The following ELAVL2 variants were observed in gnomAD, a reference collection of about 807,000 sequenced individuals.
ELAVL2 encodes ELAV-like protein 2.
ELAVL2 carries 4 observed loss-of-function variants against 34.6 expected under a neutral mutation model. The ratio of observed to expected loss-of-function variants is 0.12; its 90% CI spans 0.06 to 0.26. The LOEUF (loss-of-function observed/expected upper bound fraction) is 0.26. Among genes scored for constraint, ELAVL2 ranks in the 10% least tolerant of loss-of-function variants. ELAVL2 has a pLI of 1.00. For synonymous variants in ELAVL2, 193 were observed against 154.8 expected (o/e 1.25, Z -1.83); for missense variants, 432 against 442.8 (o/e 0.98, Z 0.22).
chr9:23,811,875 A>G (rs536125052), intron 1 of ELAVL2, among the ~76,000 whole-genome samples: 95 of 152,276 alleles, frequency 6.2e-4, no homozygotes, highest in African/African-American at 2.3e-3. Flanking sequence ...ACTAGGAAAT[A>G]GTTACTCATA....
At chr9:23,809,043 G>T (rs1275076401) in intron 1 of ELAVL2, among the ~76,000 whole-genome samples, 1 of 152,146 alleles carries the variant, frequency 6.6e-6, no homozygotes, top group East Asian at 1.9e-4. Flanking sequence ...AAAATGTGAT[G>T]ATGAGTAAAA....
intron 1 of ELAVL2, among the ~76,000 whole-genome samples, chr9:23,764,038 T>C (rs945848529): frequency 3.9e-5 from 6 of 152,208 alleles, no homozygotes; most frequent in Non-Finnish European, 8.8e-5. Flanking sequence ...AAGGGAAGTT[T>C]CAGATTTCCT....
chr9:23,696,788 T>C (rs1042342389), intron 5 of ELAVL2, among the ~76,000 whole-genome samples: 1 of 152,150 alleles, frequency 6.6e-6, no homozygotes, highest in African/African-American at 2.4e-5. Context: ...TTTATGGTCA[T>C]TTATAAATGG....
At chr9:23,778,046 C>T (rs1209111523) in intron 1 of ELAVL2, among the ~76,000 whole-genome samples, 1 of 152,078 alleles carries the variant, frequency 6.6e-6, no homozygotes, top group Admixed American at 6.6e-5. Flanking sequence ...AACAAAACCC[C>T]CCAGAGTGGC....
At chr9:23,814,633 A>C (rs891628665) in intron 1 of ELAVL2, among the ~76,000 whole-genome samples, 7 of 152,160 alleles carry the variant, frequency 4.6e-5, no homozygotes, top group Non-Finnish European at 7.4e-5. Flanking sequence ...GGAGATCAAA[A>C]GTGGTGTTGA....
intron 2 of ELAVL2, among the ~76,000 whole-genome samples, chr9:23,733,698 C>T (rs1343610998): frequency 6.6e-6 from 1 of 152,208 alleles, no homozygotes; most frequent in Non-Finnish European, 1.5e-5. Context: ...GTCTTGCTTA[C>T]TTCCTACTTA....
chr9:23,793,509 A>G (rs2137310671), intron 1 of ELAVL2, among the ~76,000 whole-genome samples: 1 of 152,270 alleles, frequency 6.6e-6, no homozygotes, highest in Non-Finnish European at 1.5e-5. Flanking sequence ...TTCTAAAGCT[A>G]TCACCTAAAT....
At chr9:23,824,400 C>T (rs1469825425) in intron 1 of ELAVL2, among the ~76,000 whole-genome samples, 1 of 152,212 alleles carries the variant, frequency 6.6e-6, no homozygotes, top group African/African-American at 2.4e-5. Flanking sequence ...CTAGCCCCCA[C>T]CGCCCTTCGC....
At chr9:23,788,818 A>T (rs1364071650) in intron 1 of ELAVL2, among the ~76,000 whole-genome samples, 1 of 152,190 alleles carries the variant, frequency 6.6e-6, no homozygotes, top group African/African-American at 2.4e-5. Flanking sequence ...GCATGGATAC[A>T]CTAGACAAAG....
intron 1 of ELAVL2, among the ~76,000 whole-genome samples, chr9:23,822,412 A>G (rs972591844): frequency 4.6e-5 from 7 of 151,894 alleles, no homozygotes; most frequent in African/African-American, 1.7e-4. Context: ...GAAATCCTGC[A>G]CTCGACTATG....
the ELAVL2 span, chr9:23,831,708 T>C: frequency 6.6e-6 from 1 of 151,968 alleles, no homozygotes; most frequent in African/African-American, 2.4e-5. Flanking sequence ...GAAATTCAGG[T>C]GGCAGAGGCA....
At chr9:23,753,445 G>A (rs907250121) in intron 2 of ELAVL2, among the ~76,000 whole-genome samples, 4 of 152,044 alleles carry the variant, frequency 2.6e-5, no homozygotes, top group Non-Finnish European at 2.9e-5. Context: ...ATAAAAGGCT[G>A]GTGGCCAAAG....
intron 1 of ELAVL2, among the ~76,000 whole-genome samples, chr9:23,773,444 TAGTATCATTCA>T (rs2057662234): frequency 6.6e-6 from 1 of 152,150 alleles, no homozygotes; most frequent in Non-Finnish European, 1.5e-5. Context: ...CAAGTTGTCT[TAGTATCATTCA>T]AGTAAAGCAC....
intron 1 of ELAVL2, among the ~76,000 whole-genome samples, chr9:23,775,551 A>G (rs1016191707): frequency 3.9e-5 from 6 of 152,038 alleles, no homozygotes; most frequent in African/African-American, 1.4e-4. Context: ...CCTTTCTCCA[A>G]TCCTTCCTCC....
chr9:23,702,511 A>G (rs2037616536), intron 4 of ELAVL2, among the ~76,000 whole-genome samples: 1 of 152,056 alleles, frequency 6.6e-6, no homozygotes. Flanking sequence ...GCTGGTCATC[A>G]TGAGATAAGC....
chr9:23,836,930 T>C, the ELAVL2 span, among the ~76,000 whole-genome samples: 1 of 152,144 alleles, frequency 6.6e-6, no homozygotes, highest in Non-Finnish European at 1.5e-5. Context: ...GACAGAAAGA[T>C]ACCCAAAGGT....
chr9:23,827,552 ACACATTACATTACACATGTAATGTG>A (rs1252918825), upstream of ELAVL2, among the ~76,000 whole-genome samples: 2 of 152,178 alleles, frequency 1.3e-5, no homozygotes, highest in Non-Finnish European at 2.9e-5. Context: ...AATGTAATGT[ACACATTACATTACACATGTAATGTG>A]TCTTAACCAG....
At chr9:23,815,211 A>G (rs2063541218) in intron 1 of ELAVL2, among the ~76,000 whole-genome samples, 1 of 152,218 alleles carries the variant, frequency 6.6e-6, no homozygotes, top group Admixed American at 6.5e-5. Context: ...ACTGAAAAAA[A>G]TATGAGAAAT....
At chr9:23,779,953 T>G in intron 1 of ELAVL2, among the ~76,000 whole-genome samples, 1 of 140,310 alleles carries the variant, frequency 7.1e-6, no homozygotes, top group Admixed American at 7.4e-5. Context: ...TTCTTTTTTT[T>G]CCCCAGAATC....
Sources: gnomAD v4.1 joint callset for allele counts (sites outside exome capture counted in the v4.1 genomes callset) on GRCh38, gnomAD v4.1.1 for gene constraint, MANE v1.5 for transcripts, NCBI Gene and HGNC (gene_info 2026-07-23, HGNC 2026-07-21) for gene names.